INTS6L: variants seen among roughly 807,000 people sequenced by gnomAD.
The protein encoded by INTS6L is integrator complex subunit 6 like.
Under a neutral mutation model 64.7 loss-of-function variants are expected in INTS6L, and 18 were observed. The observed-to-expected ratio is 0.28, with a 90% CI of 0.19 to 0.41. INTS6L has a LOEUF of 0.41. Ranked by LOEUF, INTS6L falls within the 10% of genes least tolerant of loss-of-function variation. The probability of loss-of-function intolerance (pLI) is 1.00; values close to 1 mark genes in which losing one functional copy is unlikely to be tolerated. For synonymous variants in INTS6L, 227 were observed against 235.9 expected, an observed-to-expected ratio of 0.96 and a Z score of 0.34; for missense variants, 533 against 661.0, an observed-to-expected ratio of 0.81 and a Z score of 2.12.
intron 2 of INTS6L, among the ~76,000 whole-genome samples, chrX:135,537,460 G>T (rs1327993565): frequency 8.9e-6 from 1 of 111,919 alleles, no homozygotes; most frequent in Non-Finnish European, 1.9e-5. Context: ...GGAACGTATA[G>T]AATTATAGGA....
chrX:135,573,123 A>T (rs911382536), intron 12 of INTS6L, 90 bp downstream of exon 12: 1 of 826,247 alleles, frequency 1.2e-6, no homozygotes, highest in Non-Finnish European at 1.7e-6. Flanking sequence ...AATAATGGAC[A>T]ATCCTATTTT....
intron 2 of INTS6L, among the ~76,000 whole-genome samples, chrX:135,544,034 A>G (rs1273753188): frequency 1.8e-5 from 2 of 112,409 alleles, no homozygotes; most frequent in Non-Finnish European, 3.8e-5. Flanking sequence ...ATTGCCAGCT[A>G]TTGGACCTGG....
At chrX:135,534,472 A>G (rs2085995804) in intron 2 of INTS6L, among the ~76,000 whole-genome samples, 1 of 110,696 alleles carries the variant, frequency 9.0e-6, no homozygotes, top group Non-Finnish European at 1.9e-5. Flanking sequence ...GATTTCATAC[A>G]TGTAGTCTTG....
At chrX:135,562,089 T>C (rs1490515437) in intron 9 of INTS6L, among the ~76,000 whole-genome samples, 1 of 111,422 alleles carries the variant, frequency 9.0e-6, no homozygotes, top group Non-Finnish European at 1.9e-5. Flanking sequence ...TGGTATGGGA[T>C]CTTAGATTAT....
intron 7 of INTS6L, among the ~76,000 whole-genome samples, chrX:135,551,191 A>G (rs2086494033): frequency 1.8e-5 from 2 of 112,519 alleles, no homozygotes; most frequent in South Asian, 7.3e-4. Flanking sequence ...TTTCGCAACA[A>G]GAATAGGCTG....
At chrX:135,550,900 A>C (rs1247417252) in intron 7 of INTS6L, among the ~76,000 whole-genome samples, 1 of 111,875 alleles carries the variant, frequency 8.9e-6, no homozygotes, top group East Asian at 2.8e-4. Flanking sequence ...GTCTTCATTC[A>C]TGTCTTTATG....
At chrX:135,523,797 T>A (rs1282077059) in intron 2 of INTS6L, among the ~76,000 whole-genome samples, 1 of 112,373 alleles carries the variant, frequency 8.9e-6, no homozygotes, top group Non-Finnish European at 1.9e-5. Context: ...TAGCTCTTTT[T>A]ATCCTGCCAT....
chrX:135,548,489 A>G, intron 6 of INTS6L, among the ~76,000 whole-genome samples: 1 of 111,886 alleles, frequency 8.9e-6, no homozygotes, highest in Non-Finnish European at 1.9e-5. Context: ...CTATCTTAGC[A>G]TAAACTGGGA....
In INTS6L at chrX:135,521,120, G is replaced by A. The variant is rs1255381958; in HGVS notation, c.111+17G>A. ...TTCTTGAAGGTAAAGGGAGGGGAGG[G>A]GAGAGATGGGGAGAGCTCCCGAGGG... On this transcript the variant is annotated intron_variant, in intron 1 of 17. Transcript: ENST00000639893. 5.0e-6 allele frequency: 6 copies of A among 1,191,691 alleles called. No individual in the cohort carries two copies. Among genetic ancestry groups the A allele is most frequent in the Non-Finnish European group, 6.8e-6 (6 of 879,737 alleles).
At chrX:135,540,401 A>G (rs2086174525) in intron 2 of INTS6L, among the ~76,000 whole-genome samples, 1 of 111,995 alleles carries the variant, frequency 8.9e-6, no homozygotes, top group Admixed American at 9.4e-5. Flanking sequence ...CTAACATATA[A>G]GCACTGATAA....
At chrX:135,560,962 T>TA (rs1208697953) in intron 9 of INTS6L, among the ~76,000 whole-genome samples, 3 of 100,694 alleles carry the variant, frequency 3.0e-5, no homozygotes, top group Non-Finnish European at 6.1e-5. Context: ...TTTCTTTCTT[T>TA]TTTTTTTTGA....
chrX:135,546,485 T>A lies in INTS6L; in HGVS notation c.429+16T>A, dbSNP rs1556515100. The A allele has an allele frequency of 1.4e-5, 16 of 1,130,140 alleles. No individual in the cohort carries two copies. Among genetic ancestry groups the A allele is most frequent in the Non-Finnish European group, 1.9e-5 (16 of 849,946 alleles). The allele number at this position is 1,130,140 out of a possible 1,213,427, so 93.1% of individuals were successfully genotyped here. A position where few individuals can be genotyped will look rare whatever the true frequency, so the allele number is the denominator to read the frequency against. ...TCAAGAAGAGGTGAGATTTTATTTT[T>A]TTTTTAATTTTGTTTAAATGGCAGG... On this transcript the variant is annotated intron_variant, in intron 4 of 17. Transcript: ENST00000639893.
intron 9 of INTS6L, 107 bp from the exon 10 acceptor site, chrX:135,569,230 T>C: frequency 2.5e-6 from 1 of 401,174 alleles, no homozygotes; most frequent in Non-Finnish European, 4.0e-6. Flanking sequence ...TAAACGCCAA[T>C]GAAATTTTCA....
In INTS6L at chrX:135,556,234, A is replaced by G. The variant is rs1281514428; in HGVS notation, c.1126A>G (p.Thr376Ala). ...GYPFGYLKAS[T>A]TLTCVNLFVM... Reference sequence around the variant, plus strand: ...TCCATTTGGTTATTTAAAAGCCAGTACAACTTTAACTTGTGTAAACCTCTT... The same window carrying G: ...TCCATTTGGTTATTTAAAAGCCAGTGCAACTTTAACTTGTGTAAACCTCTT... The change falls in exon 9 of 18, where the codon ACA becomes GCA. Residue 376 changes from threonine to alanine, a missense_variant. Physicochemically the swap from Thr to Ala is moderately conservative, Grantham distance 58. Transcript: ENST00000639893. The G allele has an allele frequency of 1.7e-6, 2 of 1,202,128 alleles. No individual in the cohort carries two copies. Among genetic ancestry groups the G allele is most frequent in the East Asian group, 6.0e-5 (2 of 33,393 alleles).
At chrX:135,552,361 G>A (rs1214131347) in intron 8 of INTS6L, among the ~76,000 whole-genome samples, 1 of 111,969 alleles carries the variant, frequency 8.9e-6, no homozygotes, top group Non-Finnish European at 1.9e-5. Flanking sequence ...AAGCAATAGA[G>A]TCTGATGAAA....
chrX:135,549,239 T>C (rs2086437727), intron 6 of INTS6L, among the ~76,000 whole-genome samples: 1 of 112,463 alleles, frequency 8.9e-6, no homozygotes, highest in African/African-American at 3.2e-5. Flanking sequence ...ACTCCAGAAA[T>C]GTAAAAACTA....
chrX:135,551,711 A>G (rs1039308204), intron 7 of INTS6L, among the ~76,000 whole-genome samples: 5 of 111,982 alleles, frequency 4.5e-5, no homozygotes. Flanking sequence ...TCTTAAACAT[A>G]TTCAAAACAG....
At chrX:135,560,239 A>G (rs782381886) in intron 9 of INTS6L, among the ~76,000 whole-genome samples, 5 of 112,093 alleles carry the variant, frequency 4.5e-5, no homozygotes, top group Non-Finnish European at 9.4e-5. Flanking sequence ...ATACAAATAC[A>G]GTTGATTTTT....
At chrX:135,553,366 C>T (rs1028487702) in intron 8 of INTS6L, among the ~76,000 whole-genome samples, 3 of 110,085 alleles carry the variant, frequency 2.7e-5, no homozygotes, top group African/African-American at 1.0e-4. Flanking sequence ...AACACAATCT[C>T]AGCTCACTGT....
Sources: allele counts gnomAD v4.1 joint callset (sites outside exome capture counted in the v4.1 genomes callset), GRCh38; gene constraint gnomAD v4.1.1; transcripts MANE v1.5; gene names NCBI Gene and HGNC (gene_info 2026-07-23, HGNC 2026-07-21).